GNA14: variants seen among roughly 807,000 people sequenced by gnomAD.
GNA14 encodes the protein G protein subunit alpha 14.
Under a neutral mutation model 42.0 loss-of-function variants are expected in GNA14, and 50 were observed. That is an observed-to-expected ratio of 1.19 (90% confidence interval 0.95 to 1.51). The LOEUF (loss-of-function observed/expected upper bound fraction) is 1.51. Among genes scored for constraint, GNA14 ranks in the 40% most tolerant of loss-of-function variants. The pLI is 0.00. For missense variants in GNA14, 473 were observed against 446.2 expected (o/e 1.06, Z -0.54); for synonymous variants, 173 against 163.1 (o/e 1.06, Z -0.46).
chr9:77,507,282 T>A (rs1837087373), intron 2 of GNA14, among the ~76,000 whole-genome samples: 1 of 152,228 alleles, frequency 6.6e-6, no homozygotes, highest in Admixed American at 6.5e-5. Context: ...TCAATATGCT[T>A]ACCCAATTCC....
At chr9:77,602,093 C>A (rs1823575920) in intron 1 of GNA14, among the ~76,000 whole-genome samples, 1 of 152,194 alleles carries the variant, frequency 6.6e-6, no homozygotes, top group South Asian at 2.1e-4. Context: ...TACGTCTTCC[C>A]TGCCTGGTCC....
chr9:77,472,817 T>TCTCTCTCTCC (rs1232496216), intron 2 of GNA14, among the ~76,000 whole-genome samples: 3 of 148,334 alleles, frequency 2.0e-5, no homozygotes, highest in African/African-American at 7.5e-5. Context: ...TCTCTCTCTC[T>TCTCTCTCTCC]CCTCCAAGCC....
At chr9:77,428,871 G>A in intron 5 of GNA14, 36 bp downstream of exon 5, 2 of 1,606,748 alleles carry the variant, frequency 1.2e-6, no homozygotes, top group Non-Finnish European at 1.7e-6. Context: ...ATAGGCTCTG[G>A]CTTCCACAGC....
chr9:77,581,063 A>G (rs2117857854), intron 1 of GNA14, among the ~76,000 whole-genome samples: 1 of 150,610 alleles, frequency 6.6e-6, no homozygotes, highest in Admixed American at 6.6e-5. Flanking sequence ...TACTCAGACT[A>G]TCTCAGTTTG....
chr9:77,437,562 AAGAG>A (rs879376486), intron 2 of GNA14, among the ~76,000 whole-genome samples: 17 of 146,384 alleles, frequency 1.2e-4, no homozygotes, highest in South Asian at 4.4e-4. Flanking sequence ...GAGAGAGAGA[AAGAG>A]AGAGAGAGAG....
intron 1 of GNA14, among the ~76,000 whole-genome samples, chr9:77,561,494 A>ATC (rs1822883021): frequency 6.6e-6 from 1 of 152,226 alleles, no homozygotes; most frequent in African/African-American, 2.4e-5. Context: ...ACAATGTGGT[A>ATC]TATACATACA....
chr9:77,457,562 G>C (rs1836024822), intron 2 of GNA14, among the ~76,000 whole-genome samples: 1 of 152,188 alleles, frequency 6.6e-6, no homozygotes, highest in Admixed American at 6.5e-5. Context: ...AAGCAGCCAA[G>C]AGGGCAGCTG....
intron 2 of GNA14, among the ~76,000 whole-genome samples, chr9:77,511,816 G>T (rs1290657764): frequency 6.6e-6 from 1 of 152,134 alleles, no homozygotes; most frequent in South Asian, 2.1e-4. Flanking sequence ...TGGAGGCCTG[G>T]AGAAGCAATC....
intron 1 of GNA14, among the ~76,000 whole-genome samples, chr9:77,563,506 G>A (rs925986393): frequency 2.0e-5 from 3 of 152,096 alleles, no homozygotes; most frequent in Non-Finnish European, 2.9e-5. Context: ...ACTGCATTCC[G>A]AACCAATATT....
At chr9:77,589,184 T>C (rs987403427) in intron 1 of GNA14, among the ~76,000 whole-genome samples, 5 of 152,224 alleles carry the variant, frequency 3.3e-5, no homozygotes, top group African/African-American at 1.2e-4. Flanking sequence ...CAGGTGCATT[T>C]CTTGCAAGCC....
At chr9:77,575,751 A>G (rs1014356825) in intron 1 of GNA14, among the ~76,000 whole-genome samples, 1 of 152,230 alleles carries the variant, frequency 6.6e-6, no homozygotes, top group South Asian at 2.1e-4. Context: ...AAGTCTGAAA[A>G]CCTTTAAAAA....
chr9:77,479,012 G>A (rs1277215036), intron 2 of GNA14, among the ~76,000 whole-genome samples: 1 of 152,118 alleles, frequency 6.6e-6, no homozygotes, highest in Non-Finnish European at 1.5e-5. Flanking sequence ...CTTTTGCTGT[G>A]CAGAAGCTCT....
intron 2 of GNA14, among the ~76,000 whole-genome samples, chr9:77,510,428 T>C (rs191974493): frequency 0.019 from 2,853 of 152,268 alleles, 34 homozygotes; most frequent in Non-Finnish European, 0.03. Context: ...CTCCACCTCC[T>C]GGGTTCAAGC....
At chr9:77,518,765 A>G (rs1357419885) in intron 2 of GNA14, among the ~76,000 whole-genome samples, 11 of 152,232 alleles carry the variant, frequency 7.2e-5, no homozygotes. Context: ...ACAGAAGCAA[A>G]TAACTTCCTA....
At chr9:77,607,810 GGA>G (rs1209790212) in intron 1 of GNA14, among the ~76,000 whole-genome samples, 2 of 152,234 alleles carry the variant, frequency 1.3e-5, no homozygotes, top group African/African-American at 4.8e-5. Context: ...CTCACATGGT[GGA>G]GAGAGAGAAA....
chr9:77,502,659 A>C (rs911713625), intron 2 of GNA14, among the ~76,000 whole-genome samples: 34 of 152,294 alleles, frequency 2.2e-4, no homozygotes, highest in African/African-American at 8.2e-4. Flanking sequence ...CTGTGACAGC[A>C]ACCCAGCAGG....
chr9:77,519,131 C>T (rs1169703693), intron 2 of GNA14, among the ~76,000 whole-genome samples: 1 of 152,180 alleles, frequency 6.6e-6, no homozygotes, highest in African/African-American at 2.4e-5. Flanking sequence ...AAAACAGAGG[C>T]CGGACAAGGT....
At chr9:77,616,014 GT>G (rs1453014340) in intron 1 of GNA14, among the ~76,000 whole-genome samples, 1 of 152,064 alleles carries the variant, frequency 6.6e-6, no homozygotes, top group Non-Finnish European at 1.5e-5. Context: ...TACATGCAGG[GT>G]TTGTCTGAAA....
At chr9:77,619,537 G>T (rs1823889655) in intron 1 of GNA14, among the ~76,000 whole-genome samples, 1 of 152,162 alleles carries the variant, frequency 6.6e-6, no homozygotes, top group Admixed American at 6.5e-5. Flanking sequence ...GTAGGGAACA[G>T]TAAGAGCAAG....
Sources: allele counts gnomAD v4.1 joint callset (sites outside exome capture counted in the v4.1 genomes callset), GRCh38; gene constraint gnomAD v4.1.1; transcripts MANE v1.5; gene names NCBI Gene and HGNC (gene_info 2026-07-23, HGNC 2026-07-21).